BTBD9: variants seen among roughly 807,000 people sequenced by gnomAD.
BTBD9 encodes BTB domain containing 9.
In BTBD9, 49 loss-of-function variants were observed where a neutral mutation model predicts 64.3. That is an observed-to-expected ratio of 0.76 (90% CI 0.61 to 0.97). The LOEUF (loss-of-function observed/expected upper bound fraction) is 0.97. BTBD9 is among the 50% of genes least tolerant of loss of function. BTBD9 has a pLI of 0.00. For missense variants in BTBD9, 598 were observed against 762.1 expected, an observed-to-expected ratio of 0.78 and a Z score of 2.53; for synonymous variants, 260 against 274.7, an observed-to-expected ratio of 0.95 and a Z score of 0.53.
At chr6:38,422,471 T>C (rs1269829744) in intron 6 of BTBD9, among the ~76,000 whole-genome samples, 1 of 152,156 alleles carries the variant, frequency 6.6e-6, no homozygotes, top group Non-Finnish European at 1.5e-5. Flanking sequence ...TTTATGTGTG[T>C]GGGCAGGTTA....
At chr6:38,445,162 C>T (rs1191847361) in intron 6 of BTBD9, among the ~76,000 whole-genome samples, 1 of 152,158 alleles carries the variant, frequency 6.6e-6, no homozygotes, top group Non-Finnish European at 1.5e-5. Context: ...AACAAAGACC[C>T]TACCAATTCT....
intron 10 of BTBD9, among the ~76,000 whole-genome samples, chr6:38,177,334 C>T (rs959059558): frequency 6.6e-5 from 10 of 152,136 alleles, no homozygotes; most frequent in Non-Finnish European, 1.5e-4. Flanking sequence ...ATTTCCAGGC[C>T]AGCTCTTCCC....
At chr6:38,607,472 CT>C (rs1562412782) in intron 1 of BTBD9, among the ~76,000 whole-genome samples, 1 of 152,174 alleles carries the variant, frequency 6.6e-6, no homozygotes, top group Non-Finnish European at 1.5e-5. Context: ...CCTTTATAAA[CT>C]GTAGTATTAT....
intron 8 of BTBD9, among the ~76,000 whole-genome samples, chr6:38,285,533 G>C (rs1053196085): frequency 2.0e-5 from 3 of 151,946 alleles, no homozygotes; most frequent in Non-Finnish European, 4.4e-5. Context: ...GGGGAGGGAG[G>C]TGTGGGGTAC....
chr6:38,296,025 G>T (rs189997978), intron 7 of BTBD9, among the ~76,000 whole-genome samples: 2 of 152,162 alleles, frequency 1.3e-5, no homozygotes, highest in African/African-American at 4.8e-5. Context: ...TCCAGCCTAG[G>T]CAACAAAGCG....
At chr6:38,296,254 A>G (rs180818732) in intron 7 of BTBD9, among the ~76,000 whole-genome samples, 1 of 149,842 alleles carries the variant, frequency 6.7e-6, no homozygotes, top group East Asian at 2.0e-4. Context: ...AAAATTTTTT[A>G]TTTTGTTTAA....
rs546176317 is a variant in BTBD9, at chr6:38,262,470, C to CT, written c.1455-5955dup. ...TCCCTAAAAGCAGTGAAGTGCTGGG[C>CT]TTTTTTTTTTTTTTAATTGATTAGC... is the stretch of plus-strand genomic sequence containing the variant. On this transcript the variant is annotated intron_variant, in intron 8 of 10. Transcript: ENST00000481247. Among the ~76,000 whole-genome samples the CT allele has an allele frequency of 8.4e-3, 1,182 of 141,106 alleles. 11 individuals are homozygous for CT. The highest frequency in any genetic ancestry group is 0.033 in the East Asian group (162 of 4,890). The allele number at this position is 141,106 out of a possible 152,430, so 92.6% of individuals were successfully genotyped here. A position where few individuals can be genotyped will look rare whatever the true frequency, so the allele number is the denominator to read the frequency against.
rs150015217 is a variant in BTBD9, at chr6:38,556,627, TA to T, written c.1154+20972del. Among the ~76,000 whole-genome samples, 1,340 of 148,606 alleles carry T rather than the reference TA, an allele frequency of 9.0e-3. 15 individuals carry two copies. The highest frequency in any genetic ancestry group is 0.031 in the African/African-American group (1,254 of 40,368). On this transcript the variant is annotated intron_variant, in intron 6 of 10. Transcript: ENST00000481247. ...TTACTTCAGAATCCAAAGTCCAAAA[TA>T]AAACATTTTTTTTTAATCTTTGAAG...
intron 10 of BTBD9, among the ~76,000 whole-genome samples, chr6:38,185,132 G>C (rs1761762770): frequency 6.9e-6 from 1 of 145,626 alleles, no homozygotes; most frequent in East Asian, 2.2e-4. Context: ...CCAAGGGCCA[G>C]GATCACTCGA....
chr6:38,466,463 G>C (rs974877996), intron 6 of BTBD9, among the ~76,000 whole-genome samples: 3 of 151,486 alleles, frequency 2.0e-5, no homozygotes, highest in Non-Finnish European at 4.4e-5. Flanking sequence ...GACTAATTTT[G>C]CATTTTTTTA....
chr6:38,434,982 G>A (rs546667369), intron 6 of BTBD9, among the ~76,000 whole-genome samples: 1 of 151,920 alleles, frequency 6.6e-6, no homozygotes, highest in African/African-American at 2.4e-5. Context: ...ATCACCTGAG[G>A]TCGGGAGTTC....
chr6:38,334,665 A>G (rs1318685128), intron 7 of BTBD9, among the ~76,000 whole-genome samples: 1 of 151,474 alleles, frequency 6.6e-6, no homozygotes, highest in Non-Finnish European at 1.5e-5. Context: ...AAAACAAAAC[A>G]AAACAAAACA....
At chr6:38,396,897 C>CTTT (rs146597621) in intron 6 of BTBD9, among the ~76,000 whole-genome samples, 154 of 107,308 alleles carry the variant, frequency 1.4e-3, no homozygotes, top group Non-Finnish European at 2.0e-3. Flanking sequence ...TTTTCTTTTT[C>CTTT]TTTTTTTTTT....
intron 6 of BTBD9, among the ~76,000 whole-genome samples, chr6:38,349,821 C>G (rs1257613021): frequency 1.3e-5 from 2 of 152,012 alleles, no homozygotes; most frequent in Admixed American, 6.6e-5. Flanking sequence ...ACTTAGGACA[C>G]CACAGTATGG....
intron 7 of BTBD9, among the ~76,000 whole-genome samples, chr6:38,336,865 G>A (rs1763914239): frequency 6.6e-6 from 1 of 152,066 alleles, no homozygotes; most frequent in Admixed American, 6.5e-5. Context: ...ATCCTTCAAG[G>A]CAGAAACTAC....
intron 6 of BTBD9, among the ~76,000 whole-genome samples, chr6:38,401,251 C>T (rs1766914293): frequency 6.6e-6 from 1 of 152,160 alleles, no homozygotes; most frequent in Admixed American, 6.5e-5. Flanking sequence ...CACTTCCTTG[C>T]TCTTCCTCTT....
At chr6:38,394,898 A>T (rs1267464632) in intron 6 of BTBD9, among the ~76,000 whole-genome samples, 2 of 152,120 alleles carry the variant, frequency 1.3e-5, no homozygotes, top group Non-Finnish European at 2.9e-5. Context: ...TGACATCTTG[A>T]CTTTAATCCT....
At chr6:38,217,436 A>C (rs1026757962) in intron 9 of BTBD9, among the ~76,000 whole-genome samples, 3 of 152,022 alleles carry the variant, frequency 2.0e-5, no homozygotes, top group African/African-American at 7.2e-5. Context: ...AAGAATAAGA[A>C]AGTAAGGAAG....
At chr6:38,525,985 G>C (rs1194452267) in intron 6 of BTBD9, among the ~76,000 whole-genome samples, 1 of 152,238 alleles carries the variant, frequency 6.6e-6, no homozygotes, top group Non-Finnish European at 1.5e-5. Flanking sequence ...AGATATAAAA[G>C]CTGGCTGCAG....
Sources: gnomAD v4.1 joint callset for allele counts (sites outside exome capture counted in the v4.1 genomes callset) on GRCh38, gnomAD v4.1.1 for gene constraint, MANE v1.5 for transcripts, NCBI Gene and HGNC (gene_info 2026-07-23, HGNC 2026-07-21) for gene names.